The following ICA1L variants were observed in gnomAD, a reference collection of about 807,000 sequenced individuals.
ICA1L encodes the protein islet cell autoantigen 1-like protein.
A neutral mutation model predicts 61.3 loss-of-function variants in ICA1L; 50 were observed. That is an observed-to-expected ratio of 0.82 (90% CI 0.65 to 1.03). ICA1L has a LOEUF of 1.03. Ranked by LOEUF, ICA1L falls within the 50% of genes least tolerant of loss-of-function variation. The probability of loss-of-function intolerance (pLI) is 0.00; values close to 1 mark genes in which losing one functional copy is unlikely to be tolerated. For missense variants in ICA1L, 508 were observed against 556.7 expected (o/e 0.91, Z 0.88); for synonymous variants, 161 against 191.3 (o/e 0.84, Z 1.31).
chr2:202,814,538 T>C (rs1219823479), intron 8 of ICA1L, among the ~76,000 whole-genome samples, 164 bp downstream of exon 8: 1 of 152,198 alleles, frequency 6.6e-6, no homozygotes, highest in Non-Finnish European at 1.5e-5. Flanking sequence ...AGGTATCCTG[T>C]TATAGCAACA....
At chr2:202,868,362 T>C (rs1055056402) in intron 1 of ICA1L, among the ~76,000 whole-genome samples, 3 of 152,226 alleles carry the variant, frequency 2.0e-5, no homozygotes, top group Non-Finnish European at 4.4e-5. Flanking sequence ...GGAACTCATA[T>C]ATTGCTGATG....
chr2:202,776,475 G>C lies in ICA1L; in HGVS notation c.*3058C>G, dbSNP rs1200684236. 6.6e-6 allele frequency: 1 copy of C among 152,122 alleles called. No individual in the cohort carries two copies. The highest frequency in any genetic ancestry group is 1.5e-5 in the Non-Finnish European group (1 of 68,010). The allele number at this position is 152,122 out of a possible 1,614,324, so 9.4% of individuals were successfully genotyped here. A position where few individuals can be genotyped will look rare whatever the true frequency, so the allele number is the denominator to read the frequency against. On this transcript the variant is annotated 3_prime_UTR_variant, in exon 13 of 13. Transcript: ENST00000358299. ...TTATTGAATGGATTATCTAGATTGA[G>C]ACAAAAAGCAACCAGTCATTCTCTG...
At chr2:202,825,039 A>T (rs1361396160) in intron 3 of ICA1L, among the ~76,000 whole-genome samples, 1 of 152,206 alleles carries the variant, frequency 6.6e-6, no homozygotes, top group Non-Finnish European at 1.5e-5. Flanking sequence ...AATTGGAAGG[A>T]AAGGAACAGA....
At chr2:202,784,644 T>C (rs1454985379) in intron 12 of ICA1L, among the ~76,000 whole-genome samples, 1 of 152,072 alleles carries the variant, frequency 6.6e-6, no homozygotes, top group Non-Finnish European at 1.5e-5. Flanking sequence ...TTCAGCCTTA[T>C]AAAGGAAGGA....
In ICA1L at chr2:202,811,651, G is replaced by C. The variant is rs1401069558; in HGVS notation, c.910+95C>G. On this transcript the variant is annotated intron_variant, in intron 9 of 12. Coordinates refer to ENST00000358299, the MANE Select transcript of ICA1L (RefSeq NM_001288622.3). ...CACTCCAGCCTGGGGGACAGAGCAA[G>C]ACTGTCTCAAAAAAAAAAAAAAAAA... 4 of 771,704 alleles carry C rather than the reference G, an allele frequency of 5.2e-6. No individual in the cohort carries two copies. In the East Asian group the frequency reaches 9.9e-5, roughly 19 times the overall value. The allele number at this position is 771,704 out of a possible 1,614,324, so 47.8% of individuals were successfully genotyped here. A position where few individuals can be genotyped will look rare whatever the true frequency, so the allele number is the denominator to read the frequency against.
At position 202,851,434 on chromosome 2, in the gene ICA1L, T is replaced by C. The variant is rs1482679834; in HGVS notation, c.-8+20185A>G. ...CATTGATGGACATTTGGGTTGGTTCTAAGTCTTTGCTACTGTGAATAGTGC... is the reference window on the plus strand; with the variant it reads ...CATTGATGGACATTTGGGTTGGTTCCAAGTCTTTGCTACTGTGAATAGTGC... On this transcript the variant is annotated intron_variant, in intron 1 of 12. Transcript: ENST00000358299. Among the ~76,000 whole-genome samples, 6 of 152,336 alleles carry C rather than the reference T, an allele frequency of 3.9e-5. No individual in the cohort carries two copies. In the East Asian group the frequency reaches 1.2e-3, roughly 29 times the overall value.
rs775359777 is a variant in ICA1L, at chr2:202,815,988, T to C, written c.706A>G (p.Lys236Glu). 1.2e-4 allele frequency: 188 copies of C among 1,602,930 alleles called. No individual in the cohort carries two copies. Among genetic ancestry groups the C allele is most frequent in the Non-Finnish European group, 1.6e-4 (185 of 1,175,682 alleles). ...TGGGACATCATTCGAGCTGTTTTCT[T>C]CCAGAATCCAAGCAGTGTTCTCTGC... ...TYQRTLLGFW[K>E]KTARMMSQIH... Residue 236 changes from lysine (K) to glutamate (E), a missense_variant, in exon 7 of 13, where the codon AAG becomes GAG. Lys to Glu is a moderately conservative substitution (Grantham distance 56). Transcript: ENST00000358299.
At chr2:202,846,514 G>A (rs922837870) in intron 1 of ICA1L, among the ~76,000 whole-genome samples, 3 of 152,044 alleles carry the variant, frequency 2.0e-5, no homozygotes, top group South Asian at 2.1e-4. Context: ...TTTTGGGCTC[G>A]ATTAATTTGC....
At chr2:202,815,825 C>T in intron 7 of ICA1L, 86 bp downstream of exon 7, 3 of 766,846 alleles carry the variant, frequency 3.9e-6, no homozygotes, top group Non-Finnish European at 3.9e-6. Flanking sequence ...TTAAATTAAC[C>T]TTGGTTAAAA....
At chr2:202,864,087 T>C (rs906768140) in intron 1 of ICA1L, among the ~76,000 whole-genome samples, 5 of 152,168 alleles carry the variant, frequency 3.3e-5, no homozygotes, top group Admixed American at 2.6e-4. Context: ...CAGAACCAGA[T>C]GGCTTCACTG....
In ICA1L at chr2:202,825,711, G is replaced by A. The variant is rs778835372; in HGVS notation, c.219C>T (p.Tyr73=). 1.3e-6 allele frequency: 2 copies of A among 1,546,736 alleles called. No homozygotes were observed. The highest frequency in any genetic ancestry group is 2.3e-5 in the South Asian group (2 of 88,550). The change falls in exon 3 of 13, where the codon TAC becomes TAT. Residue 73 remains tyrosine (Y), a synonymous_variant. Transcript: ENST00000358299. ...ATTTCATACCATTGAGTCTTAGCTGGTATTTCTCGATTATCTTCAGAAGTT... is the reference window on the plus strand; with the variant it reads ...ATTTCATACCATTGAGTCTTAGCTGATATTTCTCGATTATCTTCAGAAGTT... ...CTELLKIIEK[Y]QLRLNVISEE...
At chr2:202,786,712 T>C (rs1168413770) in intron 11 of ICA1L, 1 of 454,254 alleles carries the variant, frequency 2.2e-6, no homozygotes, top group Non-Finnish European at 4.4e-6. Context: ...GCAATTTTTC[T>C]TAAGGAAATA....
intron 12 of ICA1L, among the ~76,000 whole-genome samples, chr2:202,782,983 G>C (rs974833238): frequency 6.6e-6 from 1 of 152,146 alleles, no homozygotes; most frequent in African/African-American, 2.4e-5. Context: ...TGAAATCTGT[G>C]ATTTGCTTGG....
intron 1 of ICA1L, among the ~76,000 whole-genome samples, chr2:202,858,975 A>G (rs985290525): frequency 1.3e-5 from 2 of 152,246 alleles, no homozygotes; most frequent in Admixed American, 6.5e-5. Flanking sequence ...GGATGGCTAT[A>G]TCATATACAT....
intron 1 of ICA1L, among the ~76,000 whole-genome samples, chr2:202,862,402 G>T (rs111788611): frequency 2.0e-5 from 3 of 151,630 alleles, no homozygotes; most frequent in African/African-American, 7.3e-5. Context: ...TGCAGGGAGT[G>T]AGCAATGATC....
intron 9 of ICA1L, among the ~76,000 whole-genome samples, chr2:202,803,747 C>T (rs1029751214): frequency 3.3e-5 from 5 of 152,152 alleles, no homozygotes; most frequent in Admixed American, 2.0e-4. Context: ...AGGCTGGTCT[C>T]GAACTCCTGG....
chr2:202,789,656 A>G (rs1302240087), intron 10 of ICA1L, among the ~76,000 whole-genome samples: 1 of 152,236 alleles, frequency 6.6e-6, no homozygotes, highest in Admixed American at 6.5e-5. Flanking sequence ...AAATGAAACT[A>G]TAAAAACAAA....
intron 9 of ICA1L, among the ~76,000 whole-genome samples, 168 bp from the exon 10 acceptor site, chr2:202,797,132 T>TTTTGTGTGTGTGTG (rs1553532256): frequency 1.5e-4 from 22 of 147,822 alleles, no homozygotes; most frequent in South Asian, 1.1e-3. Context: ...AAAATCACAT[T>TTTTGTGTGTGTGTG]TGTGTGTGTG....
At chr2:202,813,035 G>T (rs1693423023) in intron 8 of ICA1L, among the ~76,000 whole-genome samples, 1 of 152,128 alleles carries the variant, frequency 6.6e-6, no homozygotes, top group Admixed American at 6.5e-5. Context: ...GAAGTGGGCA[G>T]ATCACTTGAG....
Sources: gnomAD v4.1 joint callset for allele counts (sites outside exome capture counted in the v4.1 genomes callset) on GRCh38, gnomAD v4.1.1 for gene constraint, MANE v1.5 for transcripts, NCBI Gene and HGNC (gene_info 2026-07-23, HGNC 2026-07-21) for gene names.